The following NCOR1 variants were observed in gnomAD, a reference collection of about 807,000 sequenced individuals.
NCOR1 encodes protein phosphatase 1, regulatory subunit 109.
In NCOR1, 63 loss-of-function variants were observed where a neutral mutation model predicts 288.1. That is an observed-to-expected ratio of 0.22 (90% CI 0.18 to 0.27). The LOEUF is 0.27. Ranked by LOEUF, NCOR1 falls within the 10% of genes least tolerant of loss-of-function variation. The pLI, the probability that NCOR1 is intolerant of heterozygous loss-of-function variation, is 1.00. For missense variants in NCOR1, 2,397 were observed against 3,019.2 expected (o/e 0.79, Z 4.83); for synonymous variants, 1,007 against 1,065.9 (o/e 0.94, Z 1.08).
At position 16,049,914 on chromosome 17, in the gene NCOR1, C is replaced by T. The variant is rs77053458; in HGVS notation, c.6393-926G>A. Among the ~76,000 whole-genome samples the T allele has an allele frequency of 8.5e-4, 129 of 152,118 alleles. No individual in the cohort carries two copies. The East Asian group carries it at 0.019, about 22-fold the overall frequency. ...TATTAAAATTTTTATTTTTTAGAGA[C>T]AGGGTCCCGCTCGTTGCCCAGGCAG... On this transcript the variant is annotated intron_variant, in intron 40 of 45. Transcript: ENST00000268712.
intron 14 of NCOR1, among the ~76,000 whole-genome samples, chr17:16,131,060 A>C (rs2075552449): frequency 7.2e-6 from 1 of 139,000 alleles, no homozygotes; most frequent in East Asian, 2.2e-4. Context: ...GTGATCACGG[A>C]TCACTACAGC....
At chr17:16,134,428 A>G (rs1183144169) in intron 14 of NCOR1, among the ~76,000 whole-genome samples, 2 of 152,224 alleles carry the variant, frequency 1.3e-5, no homozygotes, top group African/African-American at 2.4e-5. Context: ...AACTGAGCCT[A>G]CCTGGGGGTA....
At chr17:16,045,498 ATTTTTATTTTATTAATTTATTAT>A (rs1199017021) in intron 42 of NCOR1, among the ~76,000 whole-genome samples, 1 of 152,034 alleles carries the variant, frequency 6.6e-6, no homozygotes, top group Non-Finnish European at 1.5e-5. Context: ...CTGATTTTAT[ATTTTTATTTTATTAATTTATTAT>A]TTTTTGAGAC....
chr17:16,201,560 T>C (rs2090812954), intron 1 of NCOR1, among the ~76,000 whole-genome samples: 1 of 152,154 alleles, frequency 6.6e-6, no homozygotes. Flanking sequence ...ATCATGCCAC[T>C]GCACTCCAGC....
chr17:16,181,216 T>TAC (rs1363210096), intron 3 of NCOR1, among the ~76,000 whole-genome samples: 9 of 127,616 alleles, frequency 7.1e-5, no homozygotes, highest in African/African-American at 3.1e-4. Context: ...TATGTATGTG[T>TAC]GTGTGTGTGT....
intron 1 of NCOR1, among the ~76,000 whole-genome samples, chr17:16,209,859 G>A (rs1183889935): frequency 6.6e-6 from 1 of 152,066 alleles, no homozygotes; most frequent in Non-Finnish European, 1.5e-5. Flanking sequence ...GGCTGAGAAC[G>A]AGAATCACTT....
chr17:16,108,151 T>C (rs1288298381), intron 19 of NCOR1: 1 of 128,170 alleles, frequency 7.8e-6, no homozygotes, highest in Non-Finnish European at 1.6e-5. Flanking sequence ...AAAAGCATTA[T>C]AAAAATCCCC....
intron 3 of NCOR1, among the ~76,000 whole-genome samples, chr17:16,186,128 T>C (rs747343055): frequency 2.0e-5 from 3 of 152,146 alleles, no homozygotes; most frequent in Non-Finnish European, 4.4e-5. Flanking sequence ...GAGGGAAAAC[T>C]AAAGCTTGAA....
chr17:16,160,866 T>C (rs539950138), intron 5 of NCOR1, among the ~76,000 whole-genome samples: 5 of 152,090 alleles, frequency 3.3e-5, no homozygotes, highest in African/African-American at 9.6e-5. Flanking sequence ...AATGAAAGCA[T>C]AAAAATCTAC....
intron 1 of NCOR1, among the ~76,000 whole-genome samples, chr17:16,196,021 T>C (rs1308240507): frequency 2.0e-5 from 3 of 151,354 alleles, no homozygotes; most frequent in Non-Finnish European, 2.9e-5. Context: ...TATACACATA[T>C]ACACACGTGC....
chr17:16,089,647 AATATTTGGTG>A (rs1487817275), intron 22 of NCOR1, among the ~76,000 whole-genome samples: 5 of 152,156 alleles, frequency 3.3e-5, no homozygotes, highest in African/African-American at 1.2e-4. Flanking sequence ...GGACTGTACC[AATATTTGGTG>A]ATACTTTATA....
At chr17:16,054,762 T>G (rs2059720216) in intron 40 of NCOR1, among the ~76,000 whole-genome samples, 1 of 152,030 alleles carries the variant, frequency 6.6e-6, no homozygotes, top group African/African-American at 2.4e-5. Context: ...AAAAACCCTG[T>G]CTCTACTAAA....
chr17:16,159,138 G>C (rs1266630538), intron 5 of NCOR1, among the ~76,000 whole-genome samples: 1 of 152,016 alleles, frequency 6.6e-6, no homozygotes, highest in Non-Finnish European at 1.5e-5. Context: ...TCTGGGCCGG[G>C]TGCAGTGGCT....
At chr17:16,138,038 C>T (rs373753876) in intron 13 of NCOR1, 120 bp downstream of exon 13, 1 of 702,862 alleles carries the variant, frequency 1.4e-6, no homozygotes, top group South Asian at 1.9e-5. Flanking sequence ...TCACATGAGA[C>T]TCTTCGCAGT....
intron 27 of NCOR1, among the ~76,000 whole-genome samples, chr17:16,073,888 C>T (rs1408238576): frequency 1.3e-5 from 2 of 152,156 alleles, no homozygotes; most frequent in Non-Finnish European, 2.9e-5. Context: ...GTATAATGTG[C>T]TATGAAAATG....
chr17:16,057,475 G>A (rs751992648), intron 40 of NCOR1, 39 bp downstream of exon 40: 1 of 1,576,720 alleles, frequency 6.3e-7, no homozygotes, highest in Non-Finnish European at 8.7e-7. Flanking sequence ...TTGTTTTACT[G>A]TTGGGCAATT....
chr17:16,116,230 T>A (rs753392020), intron 18 of NCOR1, among the ~76,000 whole-genome samples: 2 of 152,192 alleles, frequency 1.3e-5, no homozygotes, highest in Non-Finnish European at 2.9e-5. Context: ...ATGGTAATTG[T>A]AGGAGTTACA....
At chr17:16,079,274 G>T (rs759996432) in intron 26 of NCOR1, among the ~76,000 whole-genome samples, 6 of 152,184 alleles carry the variant, frequency 3.9e-5, no homozygotes, top group Non-Finnish European at 7.3e-5. Context: ...GAGAACAACT[G>T]TCTTAGAGGA....
intron 22 of NCOR1, among the ~76,000 whole-genome samples, chr17:16,088,214 C>A (rs1185005422): frequency 6.6e-6 from 1 of 152,054 alleles, no homozygotes; most frequent in African/African-American, 2.4e-5. Flanking sequence ...ATAGAATTTT[C>A]ATTAGACTTG....
Sources: allele counts gnomAD v4.1 joint callset (sites outside exome capture counted in the v4.1 genomes callset), GRCh38; gene constraint gnomAD v4.1.1; transcripts MANE v1.5; gene names NCBI Gene and HGNC (gene_info 2026-07-23, HGNC 2026-07-21).